The following ARID4A variants were observed in gnomAD, a reference collection of about 807,000 sequenced individuals.
The protein encoded by ARID4A is AT-rich interactive domain-containing protein 4A.
Under a neutral mutation model 148.6 loss-of-function variants are expected in ARID4A, and 39 were observed. The ratio of observed to expected loss-of-function variants is 0.26; its 90% CI spans 0.20 to 0.34. The LOEUF is 0.34. ARID4A is among the 10% of genes least tolerant of loss of function. The pLI, the probability that ARID4A is intolerant of heterozygous loss-of-function variation, is 1.00. For synonymous variants in ARID4A, 475 were observed against 481.2 expected, an observed-to-expected ratio of 0.99 and a Z score of 0.17; for missense variants, 1,265 against 1,449.1, an observed-to-expected ratio of 0.87 and a Z score of 2.06.
rs1291955615 is a variant in ARID4A, at chr14:58,351,195, T to A, written c.1527T>A (p.Thr509=). Reference sequence around the variant, plus strand: ...AGGATGTAGATGATGACTATGAAACTGCAGAGAAAAAAGAAAATGAGCTAC... The same window carrying A: ...AGGATGTAGATGATGACTATGAAACAGCAGAGAAAAAAGAAAATGAGCTAC... The part of the protein sequence containing the change: ...ENKDVDDDYE[T]AEKKENELLL... The change falls in exon 16 of 24, where the codon ACT becomes ACA. Residue 509 remains threonine (T), a synonymous_variant. Transcript: ENST00000355431. 1 of 1,612,340 alleles carries A rather than the reference T, an allele frequency of 6.2e-7. No homozygotes were observed. Among genetic ancestry groups the A allele is most frequent in the South Asian group, 1.1e-5 (1 of 90,594 alleles).
chr14:58,359,958 C>G (rs536377780), intron 18 of ARID4A, among the ~76,000 whole-genome samples: 2 of 150,732 alleles, frequency 1.3e-5, no homozygotes, highest in Non-Finnish European at 2.9e-5. Flanking sequence ...CCCAGCTACT[C>G]GGGAGGCTGA....
chr14:58,319,124 A>G lies in ARID4A; in HGVS notation c.449+319A>G, dbSNP rs374573514. Among the ~76,000 whole-genome samples the G allele has an allele frequency of 6.6e-5, 10 of 152,150 alleles. No individual in the cohort carries two copies. In the East Asian group the frequency reaches 7.7e-4, roughly 12 times the overall value. The stretch of plus-strand genomic sequence containing the variant: ...GCCCAGGCTGGAGTGCAGTGGTGCA[A>G]TCTCGGCTCACTGCAACCTCCGCCT... On this transcript the variant is annotated intron_variant, in intron 7 of 23. Transcript: ENST00000355431.
At position 58,372,066 on chromosome 14, in the gene ARID4A, A is replaced by G; in HGVS notation, c.*77A>G. On this transcript the variant is annotated 3_prime_UTR_variant, in exon 24 of 24. Transcript: ENST00000355431. ...CAAACCCTGAATTACAACCACAGAA[A>G]GCACTCAACTGGTTTGACATTGCTA... is the stretch of plus-strand genomic sequence containing the variant. 1.9e-6 allele frequency: 2 copies of G among 1,025,666 alleles called. No homozygotes were observed. The highest frequency in any genetic ancestry group is 3.0e-6 in the Non-Finnish European group (2 of 661,988). The allele number at this position is 1,025,666 out of a possible 1,614,324, so 63.5% of individuals were successfully genotyped here.
intron 3 of ARID4A, chr14:58,303,599 G>A: frequency 2.1e-6 from 1 of 468,504 alleles, no homozygotes; most frequent in South Asian, 1.6e-5. Context: ...ATAGAGTAGT[G>A]CCTGATACAT....
Position 58,366,006 on chromosome 14 carries a change from C to CT in ARID4A, c.3317-12dup. 2 of 1,562,076 alleles carry CT rather than the reference C, an allele frequency of 1.3e-6. No homozygotes were observed. The highest frequency in any genetic ancestry group is 1.2e-5 in the South Asian group (1 of 85,536). On this transcript the variant is annotated splice_polypyrimidine_tract_variant and intron_variant, in intron 21 of 23. Transcript: ENST00000355431. ...AATTTTATTTATAATCTGAGTCAAT[C>CT]TTTTTTATTATTTATAGGACAAAGC...
intron 7 of ARID4A, among the ~76,000 whole-genome samples, chr14:58,320,765 G>A (rs935099031): frequency 2.0e-5 from 3 of 151,902 alleles, no homozygotes; most frequent in Non-Finnish European, 2.9e-5. Context: ...CCACCACGAC[G>A]CCTGGCTAAT....
intron 14 of ARID4A, 101 bp from the exon 15 acceptor site, chr14:58,347,546 T>C: frequency 1.1e-6 from 1 of 944,232 alleles, no homozygotes; most frequent in Non-Finnish European, 1.5e-6. Flanking sequence ...AAAATTTTTT[T>C]AAATTACTGG....
At position 58,365,627 on chromosome 14, in the gene ARID4A, G is replaced by A. The variant is rs1381709140; in HGVS notation, c.3316+5G>A. 4 of 1,610,490 alleles carry A rather than the reference G, an allele frequency of 2.5e-6. No homozygotes were observed. The highest frequency in any genetic ancestry group is 3.4e-6 in the Non-Finnish European group (4 of 1,177,910). Reference sequence around the variant, plus strand: ...AAAATGAAAAGAATGGAACAGGTTGGTGTCTTTCAATGCTAGCTTTTGTAT... The same window carrying A: ...AAAATGAAAAGAATGGAACAGGTTGATGTCTTTCAATGCTAGCTTTTGTAT... On this transcript the variant is annotated splice_donor_5th_base_variant and intron_variant, in intron 21 of 23. Coordinates refer to ENST00000355431, the MANE Select transcript of ARID4A (RefSeq NM_002892.4).
chr14:58,302,054 G>A (rs985200231), intron 3 of ARID4A, among the ~76,000 whole-genome samples: 2 of 152,106 alleles, frequency 1.3e-5, no homozygotes, highest in Non-Finnish European at 1.5e-5. Context: ...GTGTAAAAAA[G>A]CATTTAAAAA....
chr14:58,323,881 A>G (rs2033056695), intron 8 of ARID4A, among the ~76,000 whole-genome samples: 2 of 110,092 alleles, frequency 1.8e-5, no homozygotes, highest in African/African-American at 7.1e-5. Context: ...CTCTATTCCC[A>G]TTACCTTAGG....
At chr14:58,331,349 A>G (rs1331936553) in intron 11 of ARID4A, 1 of 152,106 alleles carries the variant, frequency 6.6e-6, no homozygotes. Flanking sequence ...GTAATGTCTG[A>G]TTTTTATGTG....
Position 58,323,487 on chromosome 14 carries a change from C to G in ARID4A, c.452C>G (p.Thr151Ser), listed in dbSNP as rs747159680. ...GATCAAGTTATTCTAACTTTTAGTACTGAAGATGAAAAGGAAGAAGAAAGC... is the reference window on the plus strand; with the variant it reads ...GATCAAGTTATTCTAACTTTTAGTAGTGAAGATGAAAAGGAAGAAGAAAGC... The part of the protein sequence containing the change: ...NRGRRSSLPV[T>S]EDEKEEESSE... The change falls in exon 8 of 24, where the codon ACT becomes AGT. Residue 151 changes from threonine (T) to serine (S), a missense_variant and splice_region_variant. Around this residue, in one of 9 missense-constraint regions of ARID4A, gnomAD observed 249 missense variants for 277.2 expected, o/e 0.90. Coordinates refer to ENST00000355431, the MANE Select transcript of ARID4A (RefSeq NM_002892.4). 2.9e-5 allele frequency: 46 copies of G among 1,607,150 alleles called. No homozygotes were observed. The South Asian group carries it at 4.7e-4, about 17-fold the overall frequency.
In ARID4A at chr14:58,373,457, A is replaced by G. The variant is rs905553284; in HGVS notation, c.*1468A>G. On this transcript the variant is annotated 3_prime_UTR_variant, in exon 24 of 24. Transcript: ENST00000355431. ...AATATGCTGTAGAATAATAACCTAG[A>G]TGCTCTAGACTGTATATCAGGATCT... 2 of 180,378 alleles carry G rather than the reference A, an allele frequency of 1.1e-5. No homozygotes were observed. Among genetic ancestry groups the G allele is most frequent in the Non-Finnish European group, 2.4e-5 (2 of 84,430 alleles). The allele number at this position is 180,378 out of a possible 1,614,324, so 11.2% of individuals were successfully genotyped here.
chr14:58,345,719 C>CTTTTT lies in ARID4A; in HGVS notation c.980-667_980-663dup, dbSNP rs869137059. On this transcript the variant is annotated intron_variant, in intron 12 of 23. Coordinates refer to ENST00000355431, the MANE Select transcript of ARID4A (RefSeq NM_002892.4). The stretch of plus-strand genomic sequence containing the variant: ...TCTGTTGTGTTTGTTTATGCCTAAA[C>CTTTTT]TTTTTTTTTTTTTTTTTTTTTTTTT... Among the ~76,000 whole-genome samples the CTTTTT allele has an allele frequency of 1.6e-4, 12 of 75,868 alleles. 1 individual carries two copies. Among genetic ancestry groups the CTTTTT allele is most frequent in the East Asian group, 4.5e-4 (1 of 2,242 alleles). The allele number at this position is 75,868 out of a possible 152,430, so 49.8% of individuals were successfully genotyped here.
At position 58,323,637 on chromosome 14, in the gene ARID4A, A is replaced by G. The variant is rs377140965; in HGVS notation, c.582+20A>G. On this transcript the variant is annotated intron_variant, in intron 8 of 23. Coordinates refer to ENST00000355431, the MANE Select transcript of ARID4A (RefSeq NM_002892.4). The stretch of plus-strand genomic sequence containing the variant: ...GCTTTGGTAAGTAAAGTTTCTTTGC[A>G]GAGTTAATCAGCCGTCTAAATATTT... 21 of 1,586,316 alleles carry G rather than the reference A, an allele frequency of 1.3e-5. No homozygotes were observed. Among genetic ancestry groups the G allele is most frequent in the Admixed American group, 3.4e-5 (2 of 59,004 alleles).
chr14:58,342,224 A>G (rs1373698733), intron 11 of ARID4A, among the ~76,000 whole-genome samples: 14 of 152,226 alleles, frequency 9.2e-5, no homozygotes. Flanking sequence ...AGATAAGTTT[A>G]AAACTTTGTT....
At chr14:58,371,054 C>G (rs1421822424) in intron 23 of ARID4A, among the ~76,000 whole-genome samples, 1 of 152,062 alleles carries the variant, frequency 6.6e-6, no homozygotes, top group Non-Finnish European at 1.5e-5. Flanking sequence ...CTTTGGGAGG[C>G]TGGAGCAGGA....
intron 8 of ARID4A, 101 bp from the exon 9 acceptor site, chr14:58,328,136 T>A (rs537071810): frequency 1.3e-6 from 1 of 785,642 alleles, no homozygotes; most frequent in East Asian, 2.6e-5. Context: ...TAAAATATAA[T>A]CTATTTGAGA....
chr14:58,351,910 A>G (rs2034656511), intron 16 of ARID4A, among the ~76,000 whole-genome samples: 1 of 152,120 alleles, frequency 6.6e-6, no homozygotes, highest in Admixed American at 6.5e-5. Context: ...TCTGTGTATT[A>G]GACAAGTATG....
Sources: allele counts gnomAD v4.1 joint callset (sites outside exome capture counted in the v4.1 genomes callset), GRCh38; gene constraint gnomAD v4.1.1; regional missense constraint gnomAD v4.1.1; transcripts MANE v1.5; gene names NCBI Gene and HGNC (gene_info 2026-07-23, HGNC 2026-07-21).